CNTN5: variants seen among roughly 807,000 people sequenced by gnomAD.
CNTN5 encodes the protein contactin-5.
CNTN5 carries 77 observed loss-of-function variants against 129.1 expected under a neutral mutation model. The observed-to-expected ratio is 0.60, with a 90% CI of 0.50 to 0.72. The LOEUF is 0.72. Ranked by LOEUF, CNTN5 falls within the 30% of genes least tolerant of loss-of-function variation. CNTN5 has a pLI of 0.00. For synonymous variants in CNTN5, 509 were observed against 465.6 expected (o/e 1.09, Z -1.20); for missense variants, 1,478 against 1,328.8 (o/e 1.11, Z -1.75).
intron 1 of CNTN5, among the ~76,000 whole-genome samples, chr11:99,029,316 C>A (rs2135080799): frequency 6.6e-6 from 1 of 151,744 alleles, no homozygotes; most frequent in East Asian, 1.9e-4. Context: ...TTCTGTGTAT[C>A]TCATCTTTTA....
intron 1 of CNTN5, among the ~76,000 whole-genome samples, chr11:99,284,653 GTGTGTGTGGT>G (rs1324291166): frequency 8.8e-6 from 1 of 113,892 alleles, no homozygotes; most frequent in African/African-American, 3.3e-5. Context: ...GTGTGTGTGT[GTGTGTGTGGT>G]GTGTGTATGA....
At chr11:99,201,707 C>CT (rs1224647214) in intron 1 of CNTN5, among the ~76,000 whole-genome samples, 4 of 152,026 alleles carry the variant, frequency 2.6e-5, no homozygotes, top group Non-Finnish European at 5.9e-5. Context: ...AAAGATGTAA[C>CT]TATGGAGGAA....
At chr11:100,036,519 C>T (rs1176841205) in intron 9 of CNTN5, among the ~76,000 whole-genome samples, 1 of 146,872 alleles carries the variant, frequency 6.8e-6, no homozygotes, top group Non-Finnish European at 1.5e-5. Context: ...TCATTGGTAG[C>T]TTGATGGGGA....
At chr11:100,149,219 A>C (rs990654221) in intron 13 of CNTN5, among the ~76,000 whole-genome samples, 10 of 150,370 alleles carry the variant, frequency 6.7e-5, no homozygotes, top group African/African-American at 2.5e-4. Flanking sequence ...TTCTGTTCCA[A>C]GTTTTCATAT....
chr11:99,276,283 T>A (rs564568393), intron 1 of CNTN5, among the ~76,000 whole-genome samples: 2 of 151,734 alleles, frequency 1.3e-5, no homozygotes, highest in Admixed American at 1.3e-4. Flanking sequence ...CATGCCCAGA[T>A]TTTTAAATAT....
At chr11:100,138,584 A>G (rs1165367996) in intron 13 of CNTN5, among the ~76,000 whole-genome samples, 1 of 152,082 alleles carries the variant, frequency 6.6e-6, no homozygotes, top group Admixed American at 6.6e-5. Context: ...CAGCAAACAG[A>G]TTACTATGGC....
At chr11:99,921,549 C>T (rs1937583365) in intron 7 of CNTN5, among the ~76,000 whole-genome samples, 1 of 152,182 alleles carries the variant, frequency 6.6e-6, no homozygotes, top group Non-Finnish European at 1.5e-5. Context: ...CTCCGTAGTA[C>T]TCACAGCATT....
intron 9 of CNTN5, among the ~76,000 whole-genome samples, chr11:100,021,401 A>G (rs1941138360): frequency 6.6e-6 from 1 of 152,208 alleles, no homozygotes; most frequent in African/African-American, 2.4e-5. Context: ...TAAGTTATAC[A>G]GAAAAGAGTT....
chr11:99,783,079 C>G (rs1357805700), intron 3 of CNTN5, among the ~76,000 whole-genome samples: 1 of 136,804 alleles, frequency 7.3e-6, no homozygotes, highest in Non-Finnish European at 1.6e-5. Flanking sequence ...ACTCATCTGA[C>G]AAAGGGCTAA....
At chr11:100,084,713 G>A (rs191895917) in intron 13 of CNTN5, among the ~76,000 whole-genome samples, 144 of 152,150 alleles carry the variant, frequency 9.5e-4, no homozygotes, top group African/African-American at 3.3e-3. Flanking sequence ...GAGATAGATT[G>A]ATAGTTAATA....
intron 7 of CNTN5, among the ~76,000 whole-genome samples, chr11:99,946,457 C>T (rs924105848): frequency 2.0e-5 from 3 of 151,936 alleles, no homozygotes; most frequent in African/African-American, 7.2e-5. Flanking sequence ...AGTCTGAACA[C>T]GTTTAGATTT....
chr11:99,903,874 C>T (rs61911645), intron 6 of CNTN5, among the ~76,000 whole-genome samples: 22,531 of 151,866 alleles, frequency 0.15, 1,889 homozygotes, highest in Non-Finnish European at 0.18. Context: ...GAATAGATAC[C>T]TATCAAAACA....
chr11:99,375,734 C>T (rs1265905512), intron 2 of CNTN5, among the ~76,000 whole-genome samples: 1 of 152,104 alleles, frequency 6.6e-6, no homozygotes, highest in African/African-American at 2.4e-5. Flanking sequence ...TACTAGCTTC[C>T]TTACACTGCA....
intron 3 of CNTN5, among the ~76,000 whole-genome samples, chr11:99,695,441 A>G (rs1954227362): frequency 6.6e-6 from 1 of 152,178 alleles, no homozygotes; most frequent in African/African-American, 2.4e-5. Flanking sequence ...ACTCAGAGAC[A>G]TGGGATACAA....
At chr11:99,569,213 T>C (rs955140131) in intron 3 of CNTN5, among the ~76,000 whole-genome samples, 1 of 152,216 alleles carries the variant, frequency 6.6e-6, no homozygotes, top group Non-Finnish European at 1.5e-5. Context: ...AGATAAAATA[T>C]CTATCTGTTC....
chr11:99,749,929 G>A (rs906889681), intron 3 of CNTN5, among the ~76,000 whole-genome samples: 2 of 152,176 alleles, frequency 1.3e-5, no homozygotes, highest in African/African-American at 2.4e-5. Context: ...ACAATGGGAT[G>A]TTGACTTTCT....
At chr11:99,245,797 G>A (rs1861785705) in intron 1 of CNTN5, among the ~76,000 whole-genome samples, 1 of 152,094 alleles carries the variant, frequency 6.6e-6, no homozygotes, top group Non-Finnish European at 1.5e-5. Flanking sequence ...TTTGTTGTAG[G>A]GGATGTACGG....
chr11:99,721,873 CAT>C (rs554673122), intron 3 of CNTN5, among the ~76,000 whole-genome samples: 14 of 152,110 alleles, frequency 9.2e-5, no homozygotes, highest in African/African-American at 2.2e-4. Flanking sequence ...AGCCAACAAA[CAT>C]ATGGAAAAAA....
chr11:99,455,701 C>G (rs768223520), intron 2 of CNTN5, among the ~76,000 whole-genome samples: 53 of 151,604 alleles, frequency 3.5e-4, no homozygotes, highest in African/African-American at 1.3e-3. Context: ...CCAAAGCAGC[C>G]GCAGTAGGAA....
Sources: gnomAD v4.1 joint callset for allele counts (sites outside exome capture counted in the v4.1 genomes callset) on GRCh38, gnomAD v4.1.1 for gene constraint, MANE v1.5 for transcripts, NCBI Gene and HGNC (gene_info 2026-07-23, HGNC 2026-07-21) for gene names.